The following PAK2 variants were observed in gnomAD, a reference collection of about 807,000 sequenced individuals.
The protein encoded by PAK2 is p21 (RAC1) activated kinase 2.
In PAK2, 21 loss-of-function variants were observed where a neutral mutation model predicts 65.9. That is an observed-to-expected ratio of 0.32 (90% CI 0.23 to 0.46). The LOEUF (loss-of-function observed/expected upper bound fraction) is 0.46, where lower values mean the gene tolerates loss of function less well. Ranked by LOEUF, PAK2 falls within the 20% of genes least tolerant of loss-of-function variation. PAK2 has a pLI of 1.00. For synonymous variants in PAK2, 204 were observed against 219.7 expected (o/e 0.93, Z 0.63); for missense variants, 324 against 642.6 (o/e 0.50, Z 5.36).
chr3:196,793,056 G>C (rs920962802), intron 2 of PAK2, among the ~76,000 whole-genome samples: 6 of 152,086 alleles, frequency 3.9e-5, no homozygotes, highest in African/African-American at 1.4e-4. Flanking sequence ...AGTGGGGGTA[G>C]GATGCACTAC....
chr3:196,791,972 T>G lies in PAK2; in HGVS notation c.187+9139T>G, dbSNP rs1378269653. Among the ~76,000 whole-genome samples the G allele has an allele frequency of 6.6e-6, 1 of 151,968 alleles. No individual in the cohort carries two copies. Among genetic ancestry groups the G allele is most frequent in the East Asian group, 1.9e-4 (1 of 5,194 alleles). On this transcript the variant is annotated intron_variant, in intron 2 of 14. Coordinates refer to ENST00000327134, the MANE Select transcript of PAK2 (RefSeq NM_002577.4). The surrounding 1 kb of genome is among the most constrained non-coding windows in gnomAD (Gnocchi z 4.0). ...TTCCTGGGCTCAGTTTCTTACAACT[T>G]CAGACACTAGTGATAGACTGATTCT...
At chr3:196,805,031 A>G (rs1715543357) in intron 4 of PAK2, among the ~76,000 whole-genome samples, 2 of 152,206 alleles carry the variant, frequency 1.3e-5, no homozygotes, top group South Asian at 4.1e-4. Flanking sequence ...GTTTTAATAA[A>G]TACAGATTGA....
At chr3:196,802,586 T>C (rs931444802) in intron 3 of PAK2, among the ~76,000 whole-genome samples, 13 of 152,020 alleles carry the variant, frequency 8.6e-5, no homozygotes, top group Non-Finnish European at 1.8e-4. Context: ...CTCACGCCTG[T>C]GTAATCCCAG....
At chr3:196,749,794 C>T (rs149097312) in intron 1 of PAK2, among the ~76,000 whole-genome samples, 2 of 151,724 alleles carry the variant, frequency 1.3e-5, no homozygotes, top group Non-Finnish European at 2.9e-5. Context: ...TGGATTTTAC[C>T]CATTCCAATA....
At chr3:196,811,326 C>CCTT (rs767093966) in intron 8 of PAK2, among the ~76,000 whole-genome samples, 409 of 4,294 alleles carry the variant, frequency 0.095, 13 homozygotes, top group Middle Eastern at 0.17. Context: ...TTCCTTCCTT[C>CCTT]CCTTCCCTCC....
intron 2 of PAK2, among the ~76,000 whole-genome samples, chr3:196,787,363 G>A (rs565302454): frequency 1.2e-4 from 19 of 152,002 alleles, no homozygotes; most frequent in African/African-American, 3.6e-4. Flanking sequence ...GGCAGATCAC[G>A]AGGTCAGGAG....
chr3:196,775,052 C>T (rs912840593), intron 1 of PAK2, among the ~76,000 whole-genome samples: 2 of 152,104 alleles, frequency 1.3e-5, no homozygotes, highest in Non-Finnish European at 2.9e-5. Context: ...GTATTGTATC[C>T]AAGGCCATGC....
chr3:196,802,157 G>C, intron 3 of PAK2, 130 bp downstream of exon 3: 1 of 640,148 alleles, frequency 1.6e-6, no homozygotes, highest in Non-Finnish European at 2.8e-6. Flanking sequence ...CCAGCACTTT[G>C]GGAGGCCAAG....
Position 196,810,579 on chromosome 3 carries a change from GTTTA to G in PAK2, c.710-8_710-5del. ...TGCTTGACTGAGCTTCCAGCTTTTT[GTTTA>G]TTCTAGGAACTATCGTGAGCATAGG... On this transcript the variant is annotated splice_polypyrimidine_tract_variant and splice_region_variant and intron_variant, in intron 7 of 14. Transcript: ENST00000327134. The G allele has an allele frequency of 6.6e-7, 1 of 1,503,776 alleles. No individual in the cohort carries two copies. The highest frequency in any genetic ancestry group is 9.2e-7 in the Non-Finnish European group (1 of 1,084,066). 93.2% of individuals were successfully genotyped at this position (1,503,776 alleles called of 1,614,324 possible).
chr3:196,817,852 T>C (rs1318865399), intron 11 of PAK2, among the ~76,000 whole-genome samples: 1 of 152,140 alleles, frequency 6.6e-6, no homozygotes, highest in African/African-American at 2.4e-5. Context: ...AAAAATTTTA[T>C]TTTCTTATAT....
chr3:196,774,227 A>G lies in PAK2; in HGVS notation c.-21-8399A>G, dbSNP rs115611195. Among the ~76,000 whole-genome samples the G allele has an allele frequency of 9.3e-3, 1,412 of 152,340 alleles. 25 individuals carry two copies. The highest frequency in any genetic ancestry group is 0.032 in the African/African-American group (1,349 of 41,572). The stretch of plus-strand genomic sequence containing the variant: ...CCCAGTATATTAGCATAAGTAAGAA[A>G]AAAGAGCCTGAGATTCAGAGTTGTT... On this transcript the variant is annotated intron_variant, in intron 1 of 14. Transcript: ENST00000327134.
Position 196,782,835 on chromosome 3 carries a change from T to G in PAK2, c.187+2T>G. On this transcript the variant is annotated splice_donor_variant, in intron 2 of 14. Coordinates refer to ENST00000327134, the MANE Select transcript of PAK2 (RefSeq NM_002577.4). LOFTEE classifies it high-confidence loss of function. ...CCATATTCTCAGGCACAGAGAAAGG[T>G]AAATAGCGCTTCTGGCTTTCAGAGT... is the stretch of plus-strand genomic sequence containing the variant. The G allele has an allele frequency of 6.3e-7, 1 of 1,594,796 alleles. No individual in the cohort carries two copies. Among genetic ancestry groups the G allele is most frequent in the Non-Finnish European group, 8.6e-7 (1 of 1,167,678 alleles).
chr3:196,785,870 C>T (rs1024409710), intron 2 of PAK2, among the ~76,000 whole-genome samples: 7 of 152,088 alleles, frequency 4.6e-5, no homozygotes, highest in Non-Finnish European at 1.0e-4. Context: ...GAAGACCTGC[C>T]CATGATTCAG....
chr3:196,793,452 T>G (rs1212744531), intron 2 of PAK2, among the ~76,000 whole-genome samples: 1 of 152,220 alleles, frequency 6.6e-6, no homozygotes, highest in East Asian at 1.9e-4. Context: ...GCATGCATGC[T>G]GTCCTTATCT....
chr3:196,785,837 C>T (rs1714871461), intron 2 of PAK2, among the ~76,000 whole-genome samples: 1 of 152,132 alleles, frequency 6.6e-6, no homozygotes, highest in Non-Finnish European at 1.5e-5. Flanking sequence ...GAAACTCCCC[C>T]TTTTAAAACC....
chr3:196,819,558 G>T (rs1212227548), intron 12 of PAK2, among the ~76,000 whole-genome samples: 1 of 152,034 alleles, frequency 6.6e-6, no homozygotes, highest in Non-Finnish European at 1.5e-5. Context: ...AAACCAAACC[G>T]TTCATAGATA....
chr3:196,740,544 TTGATTTTTCCTCTCAC>T (rs923833976), intron 1 of PAK2, among the ~76,000 whole-genome samples: 3 of 152,226 alleles, frequency 2.0e-5, no homozygotes, highest in African/African-American at 7.2e-5. Context: ...GTTTTGTTCC[TTGATTTTTCCTCTCAC>T]TGATTCTCAG....
In PAK2 at chr3:196,742,555, T is replaced by A. The variant is rs557035957; in HGVS notation, c.-22+2398T>A. Among the ~76,000 whole-genome samples the A allele has an allele frequency of 1.6e-4, 25 of 152,342 alleles. No individual in the cohort carries two copies. In the East Asian group the frequency reaches 3.1e-3, roughly 19 times the overall value. ...TTTATCCATCAAAATCGATTATTAT[T>A]ATAATAATATTTGAGTATATTTCTT... On this transcript the variant is annotated intron_variant, in intron 1 of 14. Coordinates refer to ENST00000327134, the MANE Select transcript of PAK2 (RefSeq NM_002577.4).
At chr3:196,762,344 G>C (rs948774837) in intron 1 of PAK2, among the ~76,000 whole-genome samples, 54 of 138,830 alleles carry the variant, frequency 3.9e-4, no homozygotes, top group African/African-American at 1.4e-3. Flanking sequence ...GCCAAGGCAG[G>C]CGGCTGGGAG....
Sources: gnomAD v4.1 joint callset for allele counts (sites outside exome capture counted in the v4.1 genomes callset) on GRCh38, gnomAD v4.1.1 for gene constraint, Gnocchi (gnomAD v3.1) non-coding constraint, MANE v1.5 for transcripts, NCBI Gene and HGNC (gene_info 2026-07-23, HGNC 2026-07-21) for gene names.